SLC35F6: variants seen among roughly 807,000 people sequenced by gnomAD.
The protein encoded by SLC35F6 is solute carrier family 35 member F6.
Under a neutral mutation model 29.4 loss-of-function variants are expected in SLC35F6, and 26 were observed. The observed-to-expected ratio is 0.89, with a 90% CI of 0.65 to 1.23. The LOEUF is 1.23. Among genes scored for constraint, SLC35F6 ranks in the 50% most tolerant of loss-of-function variants. The pLI, the probability that SLC35F6 is intolerant of heterozygous loss-of-function variation, is 0.00. For missense variants in SLC35F6, 428 were observed against 487.8 expected, an observed-to-expected ratio of 0.88 and a Z score of 1.15; for synonymous variants, 174 against 206.6, an observed-to-expected ratio of 0.84 and a Z score of 1.35.
intron 1 of SLC35F6, among the ~76,000 whole-genome samples, chr2:26,766,310 A>C (rs1163462122): frequency 6.6e-6 from 1 of 152,186 alleles, no homozygotes; most frequent in Non-Finnish European, 1.5e-5. Flanking sequence ...TTGAAATCAC[A>C]TTTCTGGCCC....
At chr2:26,764,675 T>A in intron 1 of SLC35F6, 2 of 617,816 alleles carry the variant, frequency 3.2e-6, no homozygotes, top group Non-Finnish European at 4.0e-6. Context: ...TTCCACGTCT[T>A]TTAACAGGAG....
intron 5 of SLC35F6, among the ~76,000 whole-genome samples, chr2:26,777,659 A>G (rs1017861692): frequency 4.6e-5 from 7 of 152,232 alleles, no homozygotes; most frequent in Non-Finnish European, 1.0e-4. Context: ...TAATGTAGTC[A>G]GTTGCAGCTG....
At chr2:26,774,410 C>T (rs1344799092) in intron 2 of SLC35F6, 87 bp downstream of exon 2, 1 of 1,458,566 alleles carries the variant, frequency 6.9e-7, no homozygotes, top group African/African-American at 1.4e-5. Flanking sequence ...TGTTTCCTGA[C>T]TTAGGAGTGG....
chr2:26,764,290 G>A lies in SLC35F6; in HGVS notation c.-60G>A, dbSNP rs971710155. 5 of 1,539,232 alleles carry A rather than the reference G, an allele frequency of 3.2e-6. No individual in the cohort carries two copies. The African/African-American group carries it at 4.2e-5, about 13-fold the overall frequency. On this transcript the variant is annotated 5_prime_UTR_variant, in exon 1 of 6. Transcript: ENST00000344420. Reference sequence around the variant, plus strand: ...GCCCGGCCCGGAAGCGCTCGCGCAGGAGACCCCGGGTGACGGGGCCCGGCG... The same window carrying A: ...GCCCGGCCCGGAAGCGCTCGCGCAGAAGACCCCGGGTGACGGGGCCCGGCG...
At chr2:26,777,109 G>T (rs1248237284) in intron 5 of SLC35F6, among the ~76,000 whole-genome samples, 1 of 152,248 alleles carries the variant, frequency 6.6e-6, no homozygotes, top group Admixed American at 6.5e-5. Flanking sequence ...TGAGACAGGA[G>T]AATCGCCTGA....
chr2:26,764,710 C>T (rs953717643), intron 1 of SLC35F6: 2 of 821,354 alleles, frequency 2.4e-6, no homozygotes, highest in African/African-American at 3.7e-5. Flanking sequence ...TTTCCACGGC[C>T]CTTCCAGTGC....
chr2:26,767,507 G>C (rs1015329988), intron 1 of SLC35F6, among the ~76,000 whole-genome samples: 1 of 152,198 alleles, frequency 6.6e-6, no homozygotes, highest in Non-Finnish European at 1.5e-5. Context: ...TCCTCTCTGC[G>C]GCCCCATCCC....
In SLC35F6 at chr2:26,778,768, A is replaced by G; in HGVS notation, c.*257A>G. On this transcript the variant is annotated 3_prime_UTR_variant, in exon 6 of 6. Transcript: ENST00000344420. ...GACCTCAGCTCTCTGGACCCCTCCT[A>G]CAGCACTAGAGCTAAATCATGAAGT... 1 of 485,946 alleles carries G rather than the reference A, an allele frequency of 2.1e-6. No homozygotes were observed. Among genetic ancestry groups the G allele is most frequent in the Non-Finnish European group, 3.6e-6 (1 of 275,112 alleles). 30.1% of individuals were successfully genotyped at this position (485,946 alleles called of 1,614,324 possible). A position where few individuals can be genotyped will look rare whatever the true frequency, so the allele number is the denominator to read the frequency against.
chr2:26,773,931 T>C (rs1664250461), intron 1 of SLC35F6, among the ~76,000 whole-genome samples: 1 of 152,222 alleles, frequency 6.6e-6, no homozygotes, highest in East Asian at 1.9e-4. Flanking sequence ...TGCTTTCTAC[T>C]ACATTGTTAT....
chr2:26,775,675 A>T lies in SLC35F6; in HGVS notation c.534A>T (p.Thr178=). 6.4e-7 allele frequency: 1 copy of T among 1,567,494 alleles called. No homozygotes were observed. Residue 178 remains threonine (T), a splice_region_variant and synonymous_variant, in exon 4 of 6, where the codon ACA becomes ACT. Transcript: ENST00000344420. This position sits in a 1 kb window ranked among gnomAD's most constrained non-coding sequence, Gnocchi z 4.6. The part of the protein sequence containing the change: ...DSQHKLSEVI[T]GDLLIIMAQI... Reference sequence around the variant, plus strand: ...AGCACAAGCTCAGCGAAGTGATCACAGGTGCGGCCAGGGGCAGGGACACGG... The same window carrying T: ...AGCACAAGCTCAGCGAAGTGATCACTGGTGCGGCCAGGGGCAGGGACACGG...
chr2:26,767,891 A>T (rs187666625), intron 1 of SLC35F6, among the ~76,000 whole-genome samples: 1 of 152,332 alleles, frequency 6.6e-6, no homozygotes, highest in African/African-American at 2.4e-5. Context: ...GGTCAAGTAG[A>T]TGCTCACTAA....
intron 1 of SLC35F6, chr2:26,765,063 A>G (rs1664073073): frequency 1.0e-6 from 1 of 956,280 alleles, no homozygotes; most frequent in Non-Finnish European, 1.2e-6. Flanking sequence ...TGAAAGTGAT[A>G]TGATTGACTC....
chr2:26,771,630 G>A (rs1461051051), intron 1 of SLC35F6, among the ~76,000 whole-genome samples: 1 of 152,200 alleles, frequency 6.6e-6, no homozygotes, highest in Admixed American at 6.5e-5. Flanking sequence ...CATGTTCCAT[G>A]TCCTGTCCTG....
intron 1 of SLC35F6, among the ~76,000 whole-genome samples, chr2:26,773,770 G>T (rs944544959): frequency 2.0e-5 from 3 of 151,450 alleles, no homozygotes; most frequent in Non-Finnish European, 4.4e-5. Context: ...GTACCACCAC[G>T]CCCGGCTAAT....
chr2:26,766,263 G>A (rs1664094349), intron 1 of SLC35F6, among the ~76,000 whole-genome samples: 1 of 152,168 alleles, frequency 6.6e-6, no homozygotes, highest in African/African-American at 2.4e-5. Context: ...AAGAACATGT[G>A]GGAGCAGCTG....
chr2:26,768,963 A>G (rs184568861), intron 1 of SLC35F6, among the ~76,000 whole-genome samples: 2 of 152,266 alleles, frequency 1.3e-5, no homozygotes, highest in East Asian at 1.9e-4. Context: ...TTTCCATTCC[A>G]TGGAGATGAG....
At chr2:26,772,664 A>G (rs935080522) in intron 1 of SLC35F6, among the ~76,000 whole-genome samples, 9 of 152,116 alleles carry the variant, frequency 5.9e-5, no homozygotes, top group African/African-American at 2.2e-4. Flanking sequence ...CAGGGGTGAA[A>G]GGTTAGGAGA....
At chr2:26,771,425 T>C (rs1318095885) in intron 1 of SLC35F6, among the ~76,000 whole-genome samples, 1 of 152,244 alleles carries the variant, frequency 6.6e-6, no homozygotes, top group Non-Finnish European at 1.5e-5. Context: ...GCTCCTGGCC[T>C]GGGGATTCCC....
intron 1 of SLC35F6, among the ~76,000 whole-genome samples, chr2:26,769,321 G>T (rs896045697): frequency 6.6e-6 from 1 of 152,214 alleles, no homozygotes; most frequent in Non-Finnish European, 1.5e-5. Context: ...CCGCCAAAAG[G>T]AGCGGCCTCA....
Sources: allele counts gnomAD v4.1 joint callset (sites outside exome capture counted in the v4.1 genomes callset), GRCh38; gene constraint gnomAD v4.1.1; non-coding constraint Gnocchi (gnomAD v3.1); transcripts MANE v1.5; gene names NCBI Gene and HGNC (gene_info 2026-07-23, HGNC 2026-07-21).